The following ANKS1B variants were observed in gnomAD, a reference collection of about 807,000 sequenced individuals.
The protein encoded by ANKS1B is ankyrin repeat and sterile alpha motif domain containing 1B.
ANKS1B carries 36 observed loss-of-function variants against 148.3 expected under a neutral mutation model. That is an observed-to-expected ratio of 0.24 (90% confidence interval 0.19 to 0.32). The LOEUF (loss-of-function observed/expected upper bound fraction) is 0.32, where lower values mean the gene tolerates loss of function less well. Among genes scored for constraint, ANKS1B ranks in the 10% least tolerant of loss-of-function variants. The probability of loss-of-function intolerance (pLI) is 1.00; values close to 1 mark genes in which losing one functional copy is unlikely to be tolerated. For missense variants in ANKS1B, 1,157 were observed against 1,542.6 expected (o/e 0.75, Z 4.19); for synonymous variants, 542 against 560.8 (o/e 0.97, Z 0.47).
chr12:99,738,795 A>G (rs2059838051), intron 8 of ANKS1B, among the ~76,000 whole-genome samples: 1 of 152,154 alleles, frequency 6.6e-6, no homozygotes, highest in South Asian at 2.1e-4. Context: ...GAAAGTAAAT[A>G]AAGAAAACCA....
chr12:98,802,020 G>A (rs1477237), intron 20 of ANKS1B, among the ~76,000 whole-genome samples: 127,615 of 152,186 alleles, frequency 0.84, 53,788 homozygotes, highest in East Asian at 1. Context: ...TACATACTAC[G>A]CATGAGATAT....
chr12:98,946,858 T>C (rs188892827), intron 17 of ANKS1B, among the ~76,000 whole-genome samples: 246 of 148,594 alleles, frequency 1.7e-3, no homozygotes, highest in Non-Finnish European at 3.1e-3. Flanking sequence ...GAGGACCACT[T>C]GAGCCCAGGA....
chr12:99,218,302 C>T (rs1014967712), intron 14 of ANKS1B, among the ~76,000 whole-genome samples: 4 of 152,154 alleles, frequency 2.6e-5, no homozygotes, highest in Non-Finnish European at 4.4e-5. Flanking sequence ...AATTAAATGG[C>T]TTATTTTAAT....
At chr12:99,086,147 C>A (rs544983572) in intron 15 of ANKS1B, among the ~76,000 whole-genome samples, 2 of 152,254 alleles carry the variant, frequency 1.3e-5, no homozygotes, top group South Asian at 4.1e-4. Context: ...TGTTCAAAGG[C>A]AGTTAGGTAG....
chr12:99,056,210 T>C (rs1206156871), intron 16 of ANKS1B, among the ~76,000 whole-genome samples: 1 of 152,218 alleles, frequency 6.6e-6, no homozygotes, highest in East Asian at 1.9e-4. Context: ...ATGGAGATTA[T>C]AACTCTTAAT....
At chr12:99,879,888 C>T (rs75088533) in intron 1 of ANKS1B, among the ~76,000 whole-genome samples, 11,897 of 152,140 alleles carry the variant, frequency 0.078, 549 homozygotes, top group South Asian at 0.12. Context: ...CAAAACTCTA[C>T]CCATTAACAA....
intron 17 of ANKS1B, among the ~76,000 whole-genome samples, chr12:98,955,846 T>A (rs531395563): frequency 6.6e-6 from 1 of 152,316 alleles, no homozygotes; most frequent in East Asian, 1.9e-4. Context: ...CAAGTGGAGA[T>A]ATTGAGGAGG....
chr12:99,391,664 C>A (rs1489319573), intron 12 of ANKS1B, among the ~76,000 whole-genome samples: 11 of 152,222 alleles, frequency 7.2e-5, no homozygotes, highest in African/African-American at 2.4e-4. Flanking sequence ...TAGCAAGTCC[C>A]ATGCACTAGC....
At chr12:99,764,557 G>A (rs1431758952) in intron 8 of ANKS1B, among the ~76,000 whole-genome samples, 1 of 152,026 alleles carries the variant, frequency 6.6e-6, no homozygotes, top group African/African-American at 2.4e-5. Flanking sequence ...TGAGTAGCTG[G>A]GATGACAGGT....
rs530981917 is a variant in ANKS1B, at chr12:98,820,631, A to G, written c.3066+8543T>C. ...ACACTTTACCAAAAAAGAAGCAAAC[A>G]TTTAAAAATGAAATATAATGAAATA... On this transcript the variant is annotated intron_variant, in intron 19 of 26. Transcript: ENST00000683438. 2.0e-5 allele frequency among the ~76,000 whole-genome samples: 3 copies of G among 152,374 alleles called. No homozygotes were observed. The South Asian group carries it at 6.2e-4, about 32-fold the overall frequency.
Position 98,949,153 on chromosome 12 carries a change from T to C in ANKS1B, c.2778+104004A>G, listed in dbSNP as rs531657496. Among the ~76,000 whole-genome samples, 35 of 151,846 alleles carry C rather than the reference T, an allele frequency of 2.3e-4. No homozygotes were observed. The East Asian group carries it at 2.3e-3, about 10-fold the overall frequency. On this transcript the variant is annotated intron_variant, in intron 17 of 26. Transcript: ENST00000683438. ...ATTTTTAGTAGAGTCAGGGTTTCAC[T>C]GTGTTAGCCAGGACGGTCTCGATCT...
intron 17 of ANKS1B, among the ~76,000 whole-genome samples, chr12:98,877,796 T>C (rs930862258): frequency 1.3e-5 from 2 of 152,216 alleles, no homozygotes; most frequent in Admixed American, 6.5e-5. Flanking sequence ...ATAATTCTTC[T>C]AATCTTAAAT....
intron 17 of ANKS1B, among the ~76,000 whole-genome samples, chr12:99,032,349 C>T (rs1160610418): frequency 1.3e-5 from 2 of 152,154 alleles, no homozygotes; most frequent in African/African-American, 4.8e-5. Context: ...GGCCAGAATT[C>T]TGAAATCAGT....
At chr12:99,958,629 C>T (rs2095359235) in intron 1 of ANKS1B, among the ~76,000 whole-genome samples, 1 of 152,168 alleles carries the variant, frequency 6.6e-6, no homozygotes, top group Non-Finnish European at 1.5e-5. Flanking sequence ...AAACAATCCA[C>T]CCACCTCAGC....
chr12:99,539,379 G>GT (rs1463877442), intron 9 of ANKS1B, among the ~76,000 whole-genome samples: 1 of 152,014 alleles, frequency 6.6e-6, no homozygotes, highest in Non-Finnish European at 1.5e-5. Context: ...TTGGGGCAAA[G>GT]TTTTTTTGTA....
chr12:98,769,373 T>C (rs1163459479), intron 25 of ANKS1B, among the ~76,000 whole-genome samples: 1 of 152,054 alleles, frequency 6.6e-6, no homozygotes, highest in Non-Finnish European at 1.5e-5. Flanking sequence ...TCAAGGGTGG[T>C]GGCCTTTGTT....
At chr12:99,734,836 G>A (rs1018682858) in intron 8 of ANKS1B, among the ~76,000 whole-genome samples, 1 of 152,176 alleles carries the variant, frequency 6.6e-6, no homozygotes, top group Non-Finnish European at 1.5e-5. Context: ...GCCCAAGTCA[G>A]TGATCTCCTC....
intron 17 of ANKS1B, among the ~76,000 whole-genome samples, chr12:98,942,049 T>A (rs760464224): frequency 1.3e-5 from 2 of 152,128 alleles, no homozygotes; most frequent in Non-Finnish European, 2.9e-5. Context: ...GAGACTAGCC[T>A]GGCCAACATG....
intron 22 of ANKS1B, among the ~76,000 whole-genome samples, chr12:98,787,479 G>A (rs1428862201): frequency 6.6e-6 from 1 of 152,128 alleles, no homozygotes; most frequent in Non-Finnish European, 1.5e-5. Flanking sequence ...CTTACATTGA[G>A]CCCTATGAAG....
Sources: gnomAD v4.1 joint callset for allele counts (sites outside exome capture counted in the v4.1 genomes callset) on GRCh38, gnomAD v4.1.1 for gene constraint, MANE v1.5 for transcripts, NCBI Gene and HGNC (gene_info 2026-07-23, HGNC 2026-07-21) for gene names.